Variants in COLQ observed in about 807,000 individuals in gnomAD.
COLQ encodes acetylcholinesterase collagenic tail peptide.
Under a neutral mutation model 69.0 loss-of-function variants are expected in COLQ, and 48 were observed. The observed-to-expected ratio is 0.70, with a 90% CI of 0.55 to 0.88. The LOEUF is 0.88. Among genes scored for constraint, COLQ ranks in the 40% least tolerant of loss-of-function variants. The pLI, the probability that COLQ is intolerant of heterozygous loss-of-function variation, is 0.00. For missense variants in COLQ, 618 were observed against 594.6 expected (o/e 1.04, Z -0.41); for synonymous variants, 217 against 211.2 (o/e 1.03, Z -0.24).
chr3:15,509,951 T>C (rs1267507818), intron 1 of COLQ, among the ~76,000 whole-genome samples: 2 of 151,852 alleles, frequency 1.3e-5, no homozygotes, highest in African/African-American at 4.8e-5. Context: ...GGTGGGTGGA[T>C]CATGAGGTCA....
At position 15,458,296 on chromosome 3, in the gene COLQ, T is replaced by A. The variant is rs121908922; in HGVS notation, c.844A>T (p.Arg282Ter). Reference protein sequence around the residue: ...GQLIMGPKGERGFPGPPGRCL... With the variant: ...GQLIMGPKGE ...CTTCCTGGAGGCCCGGGAAATCCTC[T>A]TTCCCCTTTGGGTCCCATTATAAGT... Residue 282 changes from arginine to a stop codon, truncating the protein, a stop_gained, in exon 13 of 17, where the codon AGA becomes TGA. Coordinates refer to ENST00000383788, the MANE Select transcript of COLQ (RefSeq NM_005677.4). LOFTEE classifies it high-confidence loss of function. 12 of 1,614,210 alleles carry A rather than the reference T, an allele frequency of 7.4e-6. No individual in the cohort carries two copies. The highest frequency in any genetic ancestry group is 9.3e-6 in the Non-Finnish European group (11 of 1,180,036).
chr3:15,479,572 T>C (rs538266431), intron 3 of COLQ, among the ~76,000 whole-genome samples, 190 bp from the exon 4 acceptor site: 1 of 152,154 alleles, frequency 6.6e-6, no homozygotes, highest in African/African-American at 2.4e-5. Context: ...CCTCTTTAGC[T>C]TTCTCTGAGC....
chr3:15,465,831 C>T (rs1156264246), intron 12 of COLQ, among the ~76,000 whole-genome samples: 1 of 150,950 alleles, frequency 6.6e-6, no homozygotes, highest in African/African-American at 2.4e-5. Context: ...TTTCAAACTC[C>T]TGACCTCAAG....
intron 12 of COLQ, 74 bp from the exon 13 acceptor site, chr3:15,458,399 C>T: frequency 6.4e-7 from 1 of 1,556,336 alleles, no homozygotes; most frequent in Non-Finnish European, 8.9e-7. Context: ...ATGTGAGCGA[C>T]CTTTGCAACA....
chr3:15,494,521 C>T (rs1021299978), intron 1 of COLQ, among the ~76,000 whole-genome samples: 3 of 152,114 alleles, frequency 2.0e-5, no homozygotes, highest in Non-Finnish European at 4.4e-5. Flanking sequence ...AGGCACTGGG[C>T]CAGGCCTGTG....
chr3:15,475,025 T>G, intron 7 of COLQ, 74 bp from the exon 8 acceptor site: 809 of 1,371,726 alleles, frequency 5.9e-4, no homozygotes, highest in Non-Finnish European at 7.7e-4. Context: ...ATAGAAGGAA[T>G]CCCTGAATGT....
intron 16 of COLQ, among the ~76,000 whole-genome samples, chr3:15,453,124 T>C (rs138909994): frequency 7.2e-5 from 11 of 152,316 alleles, no homozygotes; most frequent in African/African-American, 2.4e-4. Context: ...ATGTACCTTC[T>C]GCACCTTGGA....
intron 1 of COLQ, among the ~76,000 whole-genome samples, chr3:15,499,046 A>T (rs1462991590): frequency 6.6e-6 from 1 of 150,814 alleles, no homozygotes; most frequent in African/African-American, 2.4e-5. Context: ...GTCCAAGGGG[A>T]GCCTGCCCTC....
rs769285503 is a variant in COLQ at position 15,451,357 on chromosome 3, G to A, written c.*287C>T. 5 of 581,298 alleles carry A rather than the reference G, an allele frequency of 8.6e-6. No individual in the cohort carries two copies. Among genetic ancestry groups the A allele is most frequent in the Non-Finnish European group, 1.6e-5 (5 of 316,532 alleles). The allele number at this position is 581,298 out of a possible 1,614,324, so 36.0% of individuals were successfully genotyped here. A position where few individuals can be genotyped will look rare whatever the true frequency, so the allele number is the denominator to read the frequency against. ...GGCCTGGGTCAGCAACATTCCAGAA[G>A]AGGAAGAGCATTGTAGCCGGTTGTT... On this transcript the variant is annotated 3_prime_UTR_variant, in exon 17 of 17. Coordinates refer to ENST00000383788, the MANE Select transcript of COLQ (RefSeq NM_005677.4).
chr3:15,450,361 C>T lies in COLQ; in HGVS notation c.*1283G>A, dbSNP rs1211415623. On this transcript the variant is annotated 3_prime_UTR_variant, in exon 17 of 17. Coordinates refer to ENST00000383788, the MANE Select transcript of COLQ (RefSeq NM_005677.4). The stretch of plus-strand genomic sequence containing the variant: ...TGGTCCACCAGGCCCCAAGCTCCAG[C>T]CTGCTGAGTCCCCAAGACACAGGCT... 6.5e-6 allele frequency: 1 copy of T among 153,736 alleles called. No homozygotes were observed. The highest frequency in any genetic ancestry group is 1.5e-5 in the Non-Finnish European group (1 of 68,058). The allele number at this position is 153,736 out of a possible 1,614,324, so 9.5% of individuals were successfully genotyped here. A position where few individuals can be genotyped will look rare whatever the true frequency, so the allele number is the denominator to read the frequency against.
At chr3:15,457,885 G>T (rs1337326906) in intron 13 of COLQ, among the ~76,000 whole-genome samples, 1 of 152,074 alleles carries the variant, frequency 6.6e-6, no homozygotes, top group Non-Finnish European at 1.5e-5. Flanking sequence ...CCAAAGTGCT[G>T]GGATTACAGG....
At chr3:15,476,588 C>T (rs1166281363) in intron 6 of COLQ, among the ~76,000 whole-genome samples, 2 of 152,170 alleles carry the variant, frequency 1.3e-5, no homozygotes, top group East Asian at 1.9e-4. Context: ...CTCTGAGTCA[C>T]GCCTCTGAAC....
rs1360920116 is a variant in COLQ at position 15,453,947 on chromosome 3, G to A, written c.1196-16C>T. The A allele has an allele frequency of 6.3e-7, 1 of 1,577,044 alleles. No individual in the cohort carries two copies. The highest frequency in any genetic ancestry group is 8.7e-7 in the Non-Finnish European group (1 of 1,153,890). On this transcript the variant is annotated splice_polypyrimidine_tract_variant and intron_variant, in intron 15 of 16. Transcript: ENST00000383788. ...CGGTGACAGCCTGAGGGGACATAAG[G>A]AGGTGCAGTCTTGAGAAGGAGCAGA...
chr3:15,481,104 C>A (rs903769717), intron 3 of COLQ, among the ~76,000 whole-genome samples: 7 of 152,086 alleles, frequency 4.6e-5, no homozygotes, highest in Admixed American at 1.3e-4. Context: ...TGGATATTAG[C>A]CCTTTGTCAG....
chr3:15,494,063 C>T (rs2062710339), intron 1 of COLQ, among the ~76,000 whole-genome samples: 1 of 152,152 alleles, frequency 6.6e-6, no homozygotes, highest in Non-Finnish European at 1.5e-5. Context: ...AGAGGAAGCT[C>T]TTATCTTAAA....
At chr3:15,483,405 A>G (rs578076174) in intron 3 of COLQ, among the ~76,000 whole-genome samples, 1 of 152,230 alleles carries the variant, frequency 6.6e-6, no homozygotes, top group African/African-American at 2.4e-5. Flanking sequence ...AGATTCTGGT[A>G]TGTTGTGTCT....
intron 11 of COLQ, among the ~76,000 whole-genome samples, chr3:15,468,836 C>G (rs2062239137): frequency 6.6e-6 from 1 of 152,132 alleles, no homozygotes; most frequent in Admixed American, 6.5e-5. Context: ...CCCTCAGCTT[C>G]CTTGAGAATA....
intron 1 of COLQ, chr3:15,498,921 T>G: frequency 8.1e-7 from 1 of 1,238,538 alleles, no homozygotes; most frequent in South Asian, 1.7e-5. Context: ...CAAGAGGAAA[T>G]TGAGAGCAAT....
intron 1 of COLQ, among the ~76,000 whole-genome samples, chr3:15,504,525 CT>C (rs1197013890): frequency 2.0e-5 from 3 of 152,078 alleles, no homozygotes; most frequent in African/African-American, 7.2e-5. Flanking sequence ...ATGGCCTTAT[CT>C]TAACTTAATC....
Sources: gnomAD v4.1 joint callset for allele counts (sites outside exome capture counted in the v4.1 genomes callset) on GRCh38, gnomAD v4.1.1 for gene constraint, MANE v1.5 for transcripts, NCBI Gene and HGNC (gene_info 2026-07-23, HGNC 2026-07-21) for gene names.